Variants in TRAF5 observed in about 807,000 individuals in gnomAD.
TRAF5 encodes the protein TNF receptor associated factor 5.
TRAF5 carries 48 observed loss-of-function variants against 64.5 expected under a neutral mutation model. The observed-to-expected ratio is 0.74, with a 90% CI of 0.59 to 0.95. The LOEUF is 0.95. Ranked by LOEUF, TRAF5 falls within the 40% of genes least tolerant of loss-of-function variation. TRAF5 has a pLI of 0.00. For missense variants in TRAF5, 545 were observed against 662.8 expected, an observed-to-expected ratio of 0.82 and a Z score of 1.95; for synonymous variants, 206 against 240.5, an observed-to-expected ratio of 0.86 and a Z score of 1.33.
At chr1:211,326,826 C>A (rs1702026285), upstream of TRAF5, 2 of 984,372 alleles carry the variant, frequency 2.0e-6, no homozygotes, top group Non-Finnish European at 2.4e-6. This position sits in a 1 kb window ranked among gnomAD's most constrained non-coding sequence, Gnocchi z 5.0. Flanking sequence ...CGCCGCCGGC[C>A]GCAGCCAGGA....
chr1:211,338,696 C>T (rs929613584), intron 1 of TRAF5, among the ~76,000 whole-genome samples: 1 of 152,106 alleles, frequency 6.6e-6, no homozygotes, highest in East Asian at 1.9e-4. Flanking sequence ...GCAGTCTTGG[C>T]TCACTGCAGC....
intron 1 of TRAF5, among the ~76,000 whole-genome samples, chr1:211,343,920 T>G (rs1216124338): frequency 6.6e-6 from 1 of 151,640 alleles, no homozygotes; most frequent in East Asian, 1.9e-4. Context: ...GGATGGGGGC[T>G]TCCTAGTGGA....
intron 1 of TRAF5, among the ~76,000 whole-genome samples, chr1:211,332,586 A>G (rs1572050970): frequency 1.3e-5 from 2 of 152,224 alleles, no homozygotes; most frequent in African/African-American, 4.8e-5. Flanking sequence ...AACCTAGGAA[A>G]ACTTACCATG....
At chr1:211,370,468 C>T (rs1255495318) in intron 9 of TRAF5, among the ~76,000 whole-genome samples, 9 of 151,950 alleles carry the variant, frequency 5.9e-5, no homozygotes, top group African/African-American at 1.9e-4. Context: ...TATATATGCA[C>T]ATGTGTATAT....
chr1:211,326,883 G>A lies in TRAF5; in HGVS notation c.-8G>A. ...CGGCCTCGCGGAGCCCGCGCGCCGA[G>A]CCCCACGTGAGTCCGGCGGGTCGCC... On this transcript the variant is annotated 5_prime_UTR_variant, in exon 1 of 11. Transcript: ENST00000261464. The surrounding 1 kb of genome is among the most constrained non-coding windows in gnomAD (Gnocchi z 5.0). 1.0e-6 allele frequency: 1 copy of A among 985,220 alleles called. No homozygotes were observed. Among genetic ancestry groups the A allele is most frequent in the Non-Finnish European group, 1.2e-6 (1 of 829,624 alleles). 61.0% of individuals were successfully genotyped at this position (985,220 alleles called of 1,614,324 possible).
At chr1:211,359,873 G>C in intron 4 of TRAF5, 39 bp from the exon 5 acceptor site, 2 of 1,612,048 alleles carry the variant, frequency 1.2e-6, no homozygotes, top group East Asian at 4.5e-5. Flanking sequence ...CTACCACCCT[G>C]GTCAGCAGGT....
In TRAF5 at chr1:211,365,488, A is replaced by G. The variant is rs776922574; in HGVS notation, c.789+20A>G. 6.3e-7 allele frequency: 1 copy of G among 1,594,874 alleles called. No homozygotes were observed. ...GAACAGGTAAATCTTCAAAGGTTCA[A>G]ATAAAAAGTGAGGCAACAGAATTGC... On this transcript the variant is annotated intron_variant, in intron 8 of 10. Coordinates refer to ENST00000261464, the MANE Select transcript of TRAF5 (RefSeq NM_001033910.3).
chr1:211,360,075 A>G lies in TRAF5; in HGVS notation c.542A>G (p.Gln181Arg). ...AAGGATGTGGTAGTCATCAATCTACAGGTGAAAAACAACACATACAACAGT... is the reference window on the plus strand; with the variant it reads ...AAGGATGTGGTAGTCATCAATCTACGGGTGAAAAACAACACATACAACAGT... ...CKKDVVVINLQNHEENLCPEY... is the reference protein window; with the variant it reads ...CKKDVVVINLRNHEENLCPEY... The change falls in exon 5 of 11, where the codon CAG becomes CGG. Residue 181 changes from glutamine to arginine, a missense_variant and splice_region_variant. Transcript: ENST00000261464. 1 of 1,613,980 alleles carries G rather than the reference A, an allele frequency of 6.2e-7. No homozygotes were observed. Among genetic ancestry groups the G allele is most frequent in the Non-Finnish European group, 8.5e-7 (1 of 1,179,872 alleles).
intron 4 of TRAF5, chr1:211,358,905 ATAAC>A (rs1266430952): frequency 1.7e-4 from 25 of 149,330 alleles, no homozygotes; most frequent in African/African-American, 5.8e-4. Context: ...TTAATAATAA[ATAAC>A]AGAATATTTA....
chr1:211,341,731 G>C (rs931144785), intron 1 of TRAF5, among the ~76,000 whole-genome samples: 1 of 152,206 alleles, frequency 6.6e-6, no homozygotes, highest in Non-Finnish European at 1.5e-5. Flanking sequence ...AGAGCTCCAG[G>C]GGGTGGGGAA....
intron 1 of TRAF5, among the ~76,000 whole-genome samples, chr1:211,340,606 C>T (rs1702421534): frequency 6.6e-6 from 1 of 152,202 alleles, no homozygotes; most frequent in Admixed American, 6.5e-5. Context: ...GAAACTGAGG[C>T]AGGGCTTGCA....
chr1:211,356,000 T>TCCCG (rs1702950421), intron 3 of TRAF5, among the ~76,000 whole-genome samples: 2 of 152,202 alleles, frequency 1.3e-5, no homozygotes, highest in Admixed American at 6.5e-5. Flanking sequence ...CAGCACAGCC[T>TCCCG]CAGTGACACT....
intron 1 of TRAF5, among the ~76,000 whole-genome samples, chr1:211,336,392 C>G (rs1311845146): frequency 6.6e-6 from 1 of 152,216 alleles, no homozygotes; most frequent in East Asian, 1.9e-4. Flanking sequence ...CTTTACTCTT[C>G]CGGTCCTAGT....
intron 4 of TRAF5, 83 bp from the exon 5 acceptor site, chr1:211,359,829 T>G: frequency 6.4e-7 from 1 of 1,557,812 alleles, no homozygotes; most frequent in Non-Finnish European, 8.8e-7. Flanking sequence ...CCCTGTTCTC[T>G]CTCCCTCCCT....
chr1:211,361,921 T>C (rs896314020), intron 7 of TRAF5, among the ~76,000 whole-genome samples: 22 of 152,064 alleles, frequency 1.4e-4, no homozygotes, highest in Admixed American at 9.2e-4. Context: ...GGTCTTGAAC[T>C]TCAGACCTCA....
chr1:211,348,145 T>C (rs1205933781), intron 1 of TRAF5, among the ~76,000 whole-genome samples: 2 of 152,208 alleles, frequency 1.3e-5, no homozygotes, highest in African/African-American at 2.4e-5. Context: ...AAATGATATA[T>C]GATATGCAAC....
At chr1:211,339,756 G>C (rs189066265) in intron 1 of TRAF5, among the ~76,000 whole-genome samples, 226 of 152,342 alleles carry the variant, frequency 1.5e-3, no homozygotes, top group Admixed American at 3.7e-3. Flanking sequence ...CCTCCGCCAG[G>C]AAGCGTCTCT....
At chr1:211,367,010 C>T (rs1460537981) in intron 8 of TRAF5, among the ~76,000 whole-genome samples, 4 of 152,036 alleles carry the variant, frequency 2.6e-5, no homozygotes, top group African/African-American at 7.2e-5. Flanking sequence ...GAGATAGGGT[C>T]TGGCCCTGTC....
Position 211,371,310 on chromosome 1 carries a change from C to T in TRAF5, c.939C>T (p.Ala313=), listed in dbSNP as rs1703512753. 1.6e-5 allele frequency: 25 copies of T among 1,579,542 alleles called. No homozygotes were observed. Among genetic ancestry groups the T allele is most frequent in the Non-Finnish European group, 2.1e-5 (24 of 1,170,368 alleles). ...GSFLPNIQVF[A]SHIDKSAWLE... ...CCATTTTGTAATGAAAGGTTTTTGCCAGTCACATTGACAAGTCAGCTTGGC... is the reference window on the plus strand; with the variant it reads ...CCATTTTGTAATGAAAGGTTTTTGCTAGTCACATTGACAAGTCAGCTTGGC... The change falls in exon 10 of 11, where the codon GCC becomes GCT. Residue 313 remains alanine (A), a synonymous_variant. Coordinates refer to ENST00000261464, the MANE Select transcript of TRAF5 (RefSeq NM_001033910.3).
Sources: allele counts gnomAD v4.1 joint callset (sites outside exome capture counted in the v4.1 genomes callset), GRCh38; gene constraint gnomAD v4.1.1; non-coding constraint Gnocchi (gnomAD v3.1); transcripts MANE v1.5; gene names NCBI Gene and HGNC (gene_info 2026-07-23, HGNC 2026-07-21).